The following ALK variants were observed in gnomAD, a reference collection of about 807,000 sequenced individuals.
The protein encoded by ALK is ALK tyrosine kinase receptor.
In ALK, 74 loss-of-function variants were observed where a neutral mutation model predicts 163.1. The ratio of observed to expected loss-of-function variants is 0.45; its 90% CI spans 0.38 to 0.55. The LOEUF is 0.55. Among genes scored for constraint, ALK ranks in the 20% least tolerant of loss-of-function variants. The pLI is 0.00. For missense variants in ALK, 2,063 were observed against 2,105.3 expected, an observed-to-expected ratio of 0.98 and a Z score of 0.39; for synonymous variants, 960 against 843.2, an observed-to-expected ratio of 1.14 and a Z score of -2.40.
chr2:29,625,375 C>T (rs1206487576), intron 3 of ALK, among the ~76,000 whole-genome samples: 2 of 152,172 alleles, frequency 1.3e-5, no homozygotes, highest in African/African-American at 4.8e-5. Flanking sequence ...TATATGTGCG[C>T]ATTTTCCCAA....
Position 29,587,608 on chromosome 2 carries a change from T to A in ALK, c.953-55492A>T, listed in dbSNP as rs139912506. Among the ~76,000 whole-genome samples the A allele has an allele frequency of 2.3e-3, 353 of 152,274 alleles. 2 individuals carry two copies. The highest frequency in any genetic ancestry group is 8.3e-3 in the African/African-American group (343 of 41,566). ...TGGAGCTAATACTTAGCATTTTGCA[T>A]TTGGTTTTATAGAAAATGCATAACT... On this transcript the variant is annotated intron_variant, in intron 3 of 28. Coordinates refer to ENST00000389048, the MANE Select transcript of ALK (RefSeq NM_004304.5).
chr2:29,270,273 C>A (rs1665347881), intron 11 of ALK, among the ~76,000 whole-genome samples: 1 of 152,216 alleles, frequency 6.6e-6, no homozygotes, highest in Non-Finnish European at 1.5e-5. Context: ...GAAACATGAT[C>A]ATTTGCCTTT....
chr2:29,721,200 A>G (rs1679410653), intron 1 of ALK, among the ~76,000 whole-genome samples: 1 of 152,166 alleles, frequency 6.6e-6, no homozygotes, highest in Non-Finnish European at 1.5e-5. Flanking sequence ...CAAGCTCTTG[A>G]CACTCTGAAT....
chr2:29,882,955 C>T (rs1451986321), intron 1 of ALK, among the ~76,000 whole-genome samples: 1 of 152,092 alleles, frequency 6.6e-6, no homozygotes, highest in Admixed American at 6.5e-5. Context: ...CTACCTATTA[C>T]TCTAATGTTT....
At chr2:29,204,011 A>ATC (rs1231008232) in intron 26 of ALK, among the ~76,000 whole-genome samples, 1 of 151,580 alleles carries the variant, frequency 6.6e-6, no homozygotes, top group Non-Finnish European at 1.5e-5. Flanking sequence ...TATATTTTCC[A>ATC]TCTCTTTTTA....
intron 4 of ALK, among the ~76,000 whole-genome samples, chr2:29,527,863 G>C (rs7594020): frequency 1.3e-5 from 2 of 151,624 alleles, no homozygotes; most frequent in African/African-American, 4.8e-5. Context: ...CACATCACCC[G>C]CCTGGGCTTC....
chr2:29,251,287 G>T lies in ALK; in HGVS notation c.2042-20C>A, dbSNP rs773170319. On this transcript the variant is annotated intron_variant, in intron 11 of 28. Coordinates refer to ENST00000389048, the MANE Select transcript of ALK (RefSeq NM_004304.5). ...AATGAACTGTGGCACAAGAGGAGAG[G>T]CAGTCACTCATGTGGCCAGGCCCTC... is the stretch of plus-strand genomic sequence containing the variant. 1.4e-5 allele frequency: 22 copies of T among 1,610,398 alleles called. No homozygotes were observed. The highest frequency in any genetic ancestry group is 1.9e-5 in the Non-Finnish European group (22 of 1,178,746).
At chr2:29,385,342 A>C (rs1242449773) in intron 4 of ALK, among the ~76,000 whole-genome samples, 1 of 152,016 alleles carries the variant, frequency 6.6e-6, no homozygotes, top group Non-Finnish European at 1.5e-5. Flanking sequence ...TTGTCCAGCA[A>C]TAACCATAGT....
chr2:29,547,443 A>C (rs1436937235), intron 3 of ALK, among the ~76,000 whole-genome samples: 2 of 152,158 alleles, frequency 1.3e-5, no homozygotes, highest in Non-Finnish European at 2.9e-5. Context: ...CTAAAATACA[A>C]AAGATTAGCC....
chr2:29,604,995 G>A (rs547501700), intron 3 of ALK, among the ~76,000 whole-genome samples: 128 of 152,312 alleles, frequency 8.4e-4, no homozygotes, highest in African/African-American at 2.9e-3. Flanking sequence ...TAATGACAGT[G>A]GGGGCCAGCG....
intron 22 of ALK, among the ~76,000 whole-genome samples, 197 bp downstream of exon 22, chr2:29,222,147 T>G (rs192414879): frequency 6.6e-6 from 1 of 152,306 alleles, no homozygotes; most frequent in African/African-American, 2.4e-5. Flanking sequence ...ACACAGACTT[T>G]GTTTCTGAAA....
chr2:29,775,371 C>T (rs1222637974), intron 1 of ALK, among the ~76,000 whole-genome samples: 1 of 152,122 alleles, frequency 6.6e-6, no homozygotes, highest in Non-Finnish European at 1.5e-5. Flanking sequence ...TGTTATTTTG[C>T]TAACCAAAGG....
chr2:29,565,589 A>T lies in ALK; in HGVS notation c.953-33473T>A, dbSNP rs114053574. Among the ~76,000 whole-genome samples, 475 of 152,278 alleles carry T rather than the reference A, an allele frequency of 3.1e-3. 2 individuals carry two copies. The highest frequency in any genetic ancestry group is 0.011 in the African/African-American group (438 of 41,570). On this transcript the variant is annotated intron_variant, in intron 3 of 28. Transcript: ENST00000389048. ...AAGAGCCCTTGGGATCCACTTTTTC[A>T]TGAGGTTCTTCAGTGGAGCACTCCT...
At chr2:29,502,456 G>A (rs1672212756) in intron 4 of ALK, among the ~76,000 whole-genome samples, 2 of 152,128 alleles carry the variant, frequency 1.3e-5, no homozygotes, top group South Asian at 4.1e-4. Context: ...CAGTAGAAGT[G>A]ACTTCCAAAC....
At chr2:29,508,729 A>C (rs1452377168) in intron 4 of ALK, among the ~76,000 whole-genome samples, 1 of 90,984 alleles carries the variant, frequency 1.1e-5, no homozygotes, top group African/African-American at 4.0e-5. Context: ...CCATATCTGC[A>C]ACTCAAAAAA....
intron 1 of ALK, among the ~76,000 whole-genome samples, chr2:29,746,329 T>C (rs1367616341): frequency 6.6e-6 from 1 of 152,200 alleles, no homozygotes; most frequent in Non-Finnish European, 1.5e-5. Flanking sequence ...AAATGACAAT[T>C]GCTTACTTGA....
chr2:29,761,881 G>A lies in ALK; in HGVS notation c.668-44184C>T, dbSNP rs951022894. Among the ~76,000 whole-genome samples the A allele has an allele frequency of 1.1e-4, 17 of 152,184 alleles. No individual in the cohort carries two copies. The East Asian group carries it at 1.3e-3, about 12-fold the overall frequency. ...AAGCCGGAGGCAAGGAGAATACAAC[G>A]TATATTTGGTATCTAATTTAGATGG... is the stretch of plus-strand genomic sequence containing the variant. On this transcript the variant is annotated intron_variant, in intron 1 of 28. Transcript: ENST00000389048.
chr2:29,641,653 C>T (rs1202723334), intron 3 of ALK, among the ~76,000 whole-genome samples: 3 of 152,054 alleles, frequency 2.0e-5, no homozygotes, highest in Non-Finnish European at 4.4e-5. Context: ...TAGCACAAAA[C>T]TAAAATAACT....
intron 1 of ALK, among the ~76,000 whole-genome samples, chr2:29,816,668 G>A (rs946963356): frequency 3.9e-5 from 6 of 152,184 alleles, no homozygotes; most frequent in East Asian, 1.9e-4. Flanking sequence ...CCACAAGGTC[G>A]GTCCCCCTTG....
Sources: allele counts gnomAD v4.1 joint callset (sites outside exome capture counted in the v4.1 genomes callset), GRCh38; gene constraint gnomAD v4.1.1; transcripts MANE v1.5; gene names NCBI Gene and HGNC (gene_info 2026-07-23, HGNC 2026-07-21).